The following KIF26B variants were observed in gnomAD, a reference collection of about 807,000 sequenced individuals.
The protein encoded by KIF26B is kinesin family member 26B, also known as kinesin-like protein KIF26B.
KIF26B carries 63 observed loss-of-function variants against 151.2 expected under a neutral mutation model. The observed-to-expected ratio is 0.42, with a 90% confidence interval of 0.34 to 0.51. The LOEUF (loss-of-function observed/expected upper bound fraction) is 0.51, where lower values mean the gene tolerates loss of function less well. Among genes scored for constraint, KIF26B ranks in the 20% least tolerant of loss-of-function variants. The probability of loss-of-function intolerance (pLI) is 0.07; values close to 1 mark genes in which losing one functional copy is unlikely to be tolerated. For missense variants in KIF26B, 2,813 were observed against 2,913.6 expected, an observed-to-expected ratio of 0.97 and a Z score of 0.79; for synonymous variants, 1,357 against 1,262.1, an observed-to-expected ratio of 1.08 and a Z score of -1.59.
In KIF26B at chr1:245,646,715, A is replaced by G. The variant is rs186161660; in HGVS notation, c.2258+435A>G. Among the ~76,000 whole-genome samples, 903 of 152,258 alleles carry G rather than the reference A, an allele frequency of 5.9e-3. 8 individuals are homozygous for G. Among genetic ancestry groups the G allele is most frequent in the African/African-American group, 0.021 (862 of 41,516 alleles). On this transcript the variant is annotated intron_variant, in intron 10 of 14. Coordinates refer to ENST00000407071, the MANE Select transcript of KIF26B (RefSeq NM_018012.4). ...AATTCAAATTTCAGATAACCAACAAATAAGGTTGTATTATAAGTATGCACC... is the reference window on the plus strand; with the variant it reads ...AATTCAAATTTCAGATAACCAACAAGTAAGGTTGTATTATAAGTATGCACC...
At chr1:245,315,049 G>A (rs1348221220) in intron 2 of KIF26B, among the ~76,000 whole-genome samples, 3 of 151,856 alleles carry the variant, frequency 2.0e-5, no homozygotes, top group African/African-American at 4.8e-5. Flanking sequence ...GTGTGGTGGC[G>A]GGCGCCTGTA....
rs994694730 is a variant in KIF26B at position 245,495,378 on chromosome 1, A to C, written c.1167-45389A>C. 6.6e-6 allele frequency among the ~76,000 whole-genome samples: 1 copy of C among 152,218 alleles called. No homozygotes were observed. The highest frequency in any genetic ancestry group is 1.5e-5 in the Non-Finnish European group (1 of 68,032). ...AATAATTGTACATATTTGTAGGTAC[A>C]TATTTATAGGATACAAAGTGATGAT... On this transcript the variant is annotated intron_variant, in intron 4 of 14. Transcript: ENST00000407071. The surrounding 1 kb of genome is among the most constrained non-coding windows in gnomAD (Gnocchi z 4.2).
chr1:245,675,623 G>T (rs1012992027), intron 10 of KIF26B, among the ~76,000 whole-genome samples: 1 of 152,120 alleles, frequency 6.6e-6, no homozygotes, highest in African/African-American at 2.4e-5. Context: ...TTGGATGAAC[G>T]AAGTATCTGA....
At chr1:245,411,816 C>G (rs1299302935) in intron 3 of KIF26B, among the ~76,000 whole-genome samples, 2 of 152,098 alleles carry the variant, frequency 1.3e-5, no homozygotes, top group Non-Finnish European at 2.9e-5. Context: ...TTCTTTCTCT[C>G]TCTTATGAGC....
At chr1:245,187,930 T>A (rs937830486) in intron 2 of KIF26B, among the ~76,000 whole-genome samples, 1 of 152,080 alleles carries the variant, frequency 6.6e-6, no homozygotes. Flanking sequence ...CTTGAGGAAA[T>A]TCAAGTTTGA....
chr1:245,427,051 G>A (rs1267299387), intron 4 of KIF26B, among the ~76,000 whole-genome samples: 1 of 152,186 alleles, frequency 6.6e-6, no homozygotes, highest in South Asian at 2.1e-4. Context: ...TTGTTCTTCT[G>A]TCAGGTACAG....
chr1:245,263,518 C>T (rs1008211204), intron 2 of KIF26B, among the ~76,000 whole-genome samples: 1 of 152,208 alleles, frequency 6.6e-6, no homozygotes, highest in African/African-American at 2.4e-5. Flanking sequence ...ATACATCTCA[C>T]AAACACTGAT....
chr1:245,608,273 C>T (rs1257760437), intron 7 of KIF26B, among the ~76,000 whole-genome samples: 3 of 152,216 alleles, frequency 2.0e-5, no homozygotes, highest in African/African-American at 7.2e-5. Flanking sequence ...CATAAATCCC[C>T]CCACAGTCCC....
chr1:245,666,061 G>A (rs2044210982), intron 10 of KIF26B, among the ~76,000 whole-genome samples: 1 of 144,950 alleles, frequency 6.9e-6, no homozygotes, highest in African/African-American at 2.6e-5. Flanking sequence ...GAGTGCAGTG[G>A]TGCAATCTCA....
chr1:245,312,023 G>A (rs535514897), intron 2 of KIF26B, among the ~76,000 whole-genome samples: 18 of 152,318 alleles, frequency 1.2e-4, no homozygotes, highest in African/African-American at 3.8e-4. Context: ...GACCTCCTCC[G>A]GGGAGTGGTA....
At chr1:245,443,228 C>T (rs374973006) in intron 4 of KIF26B, among the ~76,000 whole-genome samples, 2 of 131,456 alleles carry the variant, frequency 1.5e-5, no homozygotes, top group Non-Finnish European at 3.3e-5. Flanking sequence ...TGTTCACCTA[C>T]AGCGGTCATC....
At chr1:245,417,467 G>A (rs923368388) in intron 3 of KIF26B, among the ~76,000 whole-genome samples, 1 of 152,206 alleles carries the variant, frequency 6.6e-6, no homozygotes, top group African/African-American at 2.4e-5. Context: ...AGATGATGAT[G>A]TTGGAAATCC....
intron 9 of KIF26B, among the ~76,000 whole-genome samples, chr1:245,631,071 G>A (rs977257408): frequency 4.6e-5 from 7 of 152,144 alleles, no homozygotes; most frequent in Non-Finnish European, 7.4e-5. Flanking sequence ...CATCTGCAGA[G>A]AGGAACAATT....
At position 245,377,868 on chromosome 1, in the gene KIF26B, G is replaced by A. The variant is rs188575856; in HGVS notation, c.999+10501G>A. Among the ~76,000 whole-genome samples, 123 of 152,244 alleles carry A rather than the reference G, an allele frequency of 8.1e-4. 1 individual carries two copies. The highest frequency in any genetic ancestry group is 8.4e-4 in the Non-Finnish European group (57 of 68,026). Reference sequence around the variant, plus strand: ...GGGCCAAGTCGAGAGAGGGAGGGACGTGTCATACCTGCATGCATCCTTATA... The same window carrying A: ...GGGCCAAGTCGAGAGAGGGAGGGACATGTCATACCTGCATGCATCCTTATA... On this transcript the variant is annotated intron_variant, in intron 3 of 14. Transcript: ENST00000407071.
intron 3 of KIF26B, among the ~76,000 whole-genome samples, chr1:245,380,450 T>C (rs1300532060): frequency 6.6e-6 from 1 of 152,198 alleles, no homozygotes; most frequent in East Asian, 1.9e-4. Flanking sequence ...CACCGTCCAT[T>C]AGGCTGCAAG....
At chr1:245,621,463 C>T (rs370451796) in intron 9 of KIF26B, among the ~76,000 whole-genome samples, 19 of 152,186 alleles carry the variant, frequency 1.2e-4, no homozygotes, top group East Asian at 5.8e-4. Flanking sequence ...GCGTAGGAGA[C>T]GTTATTATAT....
intron 4 of KIF26B, among the ~76,000 whole-genome samples, chr1:245,442,054 G>A (rs72761191): frequency 0.12 from 18,836 of 152,256 alleles, 1,201 homozygotes; most frequent in South Asian, 0.15. Context: ...GTGAGCACTT[G>A]CTAGGTGCCA....
At chr1:245,280,756 C>A (rs201816190) in intron 2 of KIF26B, among the ~76,000 whole-genome samples, 42,295 of 103,496 alleles carry the variant, frequency 0.41, 9,312 homozygotes, top group East Asian at 0.58. Flanking sequence ...CCTCCCCCCT[C>A]CCCCTACCCC....
rs541563868 is a variant in KIF26B, at chr1:245,435,860, G to A, written c.1166+16115G>A. ...GCCCAAGTGTGTCCCTAAGGTGAGCGCTTTAGCATCAAGAATTATTCAACT... is the reference window on the plus strand; with the variant it reads ...GCCCAAGTGTGTCCCTAAGGTGAGCACTTTAGCATCAAGAATTATTCAACT... On this transcript the variant is annotated intron_variant, in intron 4 of 14. Transcript: ENST00000407071. Among the ~76,000 whole-genome samples, 247 of 152,224 alleles carry A rather than the reference G, an allele frequency of 1.6e-3. 5 individuals carry two copies. In the South Asian group the frequency reaches 0.032, roughly 20 times the overall value.
Sources: allele counts gnomAD v4.1 joint callset (sites outside exome capture counted in the v4.1 genomes callset), GRCh38; gene constraint gnomAD v4.1.1; non-coding constraint Gnocchi (gnomAD v3.1); transcripts MANE v1.5; gene names NCBI Gene and HGNC (gene_info 2026-07-23, HGNC 2026-07-21).